Variants in SLC14A2 observed in about 807,000 individuals in gnomAD.
The protein encoded by SLC14A2 is urea transporter 2.
A neutral mutation model predicts 104.6 loss-of-function variants in SLC14A2; 91 were observed. That is an observed-to-expected ratio of 0.87 (90% confidence interval 0.73 to 1.04). The LOEUF (loss-of-function observed/expected upper bound fraction) is 1.04. Ranked by LOEUF, SLC14A2 falls within the 50% of genes least tolerant of loss-of-function variation. SLC14A2 has a pLI of 0.00. For missense variants in SLC14A2, 1,189 were observed against 1,156.0 expected, an observed-to-expected ratio of 1.03 and a Z score of -0.41; for synonymous variants, 476 against 466.4, an observed-to-expected ratio of 1.02 and a Z score of -0.27.
At chr18:45,533,761 TG>T (rs1324211705) in intron 2 of SLC14A2, among the ~76,000 whole-genome samples, 1 of 152,190 alleles carries the variant, frequency 6.6e-6, no homozygotes, top group African/African-American at 2.4e-5. Flanking sequence ...TGTTTGCTCT[TG>T]CTTCTCTAGT....
intron 1 of SLC14A2, among the ~76,000 whole-genome samples, chr18:45,298,639 A>C (rs1479564711): frequency 6.6e-6 from 1 of 152,182 alleles, no homozygotes; most frequent in African/African-American, 2.4e-5. Context: ...TGAGGTTAGC[A>C]CACATCAGAA....
chr18:45,669,865 G>A (rs2046100199), intron 16 of SLC14A2, among the ~76,000 whole-genome samples: 1 of 152,224 alleles, frequency 6.6e-6, no homozygotes, highest in Admixed American at 6.5e-5. Flanking sequence ...CTTGCGTTGT[G>A]CATTTTCTTT....
chr18:45,337,776 C>T (rs1324239459), intron 1 of SLC14A2, among the ~76,000 whole-genome samples: 1 of 152,188 alleles, frequency 6.6e-6, no homozygotes, highest in Non-Finnish European at 1.5e-5. Flanking sequence ...ATAGCTGACC[C>T]TGAAAGAAAT....
chr18:45,647,743 T>C (rs2045647269), intron 10 of SLC14A2: 1 of 151,706 alleles, frequency 6.6e-6, no homozygotes. Flanking sequence ...TTGAGGATTA[T>C]TTAATAATGG....
intron 2 of SLC14A2, among the ~76,000 whole-genome samples, chr18:45,512,383 C>T (rs192339214): frequency 6.6e-6 from 1 of 152,274 alleles, no homozygotes; most frequent in East Asian, 1.9e-4. Flanking sequence ...AGTCCTTTCT[C>T]AGTTTTACAC....
intron 1 of SLC14A2, among the ~76,000 whole-genome samples, chr18:45,448,467 T>C (rs1246913147): frequency 6.6e-6 from 1 of 152,220 alleles, no homozygotes; most frequent in Non-Finnish European, 1.5e-5. Context: ...GGCCTTTAGA[T>C]GGGTTGTTTT....
intron 2 of SLC14A2, among the ~76,000 whole-genome samples, chr18:45,532,416 C>T (rs1356823615): frequency 1.3e-5 from 2 of 151,632 alleles, no homozygotes; most frequent in Non-Finnish European, 2.9e-5. Context: ...AGGTCCTTCA[C>T]ATCCCTTGTA....
chr18:45,202,254 C>T, the SLC14A2 span, among the ~76,000 whole-genome samples: 1 of 152,092 alleles, frequency 6.6e-6, no homozygotes, highest in African/African-American at 2.4e-5. Context: ...CAAAGGACAG[C>T]ATGCTGAGCC....
chr18:45,648,069 C>T (rs572560928), intron 10 of SLC14A2: 5 of 149,058 alleles, frequency 3.4e-5, no homozygotes, highest in African/African-American at 1.2e-4. Context: ...TTAATCTTTG[C>T]ATTTCTAAAA....
intron 1 of SLC14A2, among the ~76,000 whole-genome samples, chr18:45,469,999 A>G (rs2087217843): frequency 6.6e-6 from 1 of 152,210 alleles, no homozygotes; most frequent in Admixed American, 6.5e-5. Context: ...AAATCCCCAA[A>G]TGAAGTGTAA....
intron 1 of SLC14A2, among the ~76,000 whole-genome samples, chr18:45,623,180 A>G (rs2045203491): frequency 6.6e-6 from 1 of 152,122 alleles, no homozygotes; most frequent in South Asian, 2.1e-4. Context: ...TGCAAGAGGA[A>G]GTGGCCAGAG....
At chr18:45,180,935 T>C in the SLC14A2 span, 1 of 152,216 alleles carries the variant, frequency 6.6e-6, no homozygotes, top group Non-Finnish European at 1.5e-5. Flanking sequence ...TTGGGTCATC[T>C]AGGGTGAGAA....
At chr18:45,171,516 C>G in the SLC14A2 span, among the ~76,000 whole-genome samples, 3 of 152,074 alleles carry the variant, frequency 2.0e-5, no homozygotes, top group Non-Finnish European at 4.4e-5. Context: ...GGTTCAATGA[C>G]TTCTGGATTG....
At chr18:45,362,879 T>C (rs1644369343) in intron 1 of SLC14A2, among the ~76,000 whole-genome samples, 1 of 150,776 alleles carries the variant, frequency 6.6e-6, no homozygotes, top group Non-Finnish European at 1.5e-5. Flanking sequence ...AATTTACCTG[T>C]CTCTGGTGTG....
chr18:45,169,176 T>C, the SLC14A2 span: 1 of 152,200 alleles, frequency 6.6e-6, no homozygotes, highest in Non-Finnish European at 1.5e-5. Flanking sequence ...GGAAAGAAAA[T>C]GATGTTGATA....
chr18:45,580,521 C>G (rs1004933817), intron 2 of SLC14A2, among the ~76,000 whole-genome samples: 3 of 152,186 alleles, frequency 2.0e-5, no homozygotes, highest in Admixed American at 2.0e-4. Context: ...TGAAGGAAAA[C>G]AGTGCCTAGC....
chr18:45,414,743 G>A (rs187287770), intron 1 of SLC14A2, among the ~76,000 whole-genome samples: 3 of 40,710 alleles, frequency 7.4e-5, no homozygotes, highest in East Asian at 5.9e-4. Flanking sequence ...GGCACCGAGC[G>A]TAAAAAAAAA....
intron 1 of SLC14A2, among the ~76,000 whole-genome samples, chr18:45,368,083 A>G (rs2085684674): frequency 6.6e-6 from 1 of 151,960 alleles, no homozygotes; most frequent in Non-Finnish European, 1.5e-5. Flanking sequence ...AAGATAACAG[A>G]CGCATCCTCC....
intron 2 of SLC14A2, among the ~76,000 whole-genome samples, chr18:45,497,085 G>A (rs1174347142): frequency 6.6e-6 from 1 of 152,132 alleles, no homozygotes; most frequent in African/African-American, 2.4e-5. Context: ...TTGTAATAGT[G>A]TGAAGCCCAT....
Sources: allele counts gnomAD v4.1 joint callset (sites outside exome capture counted in the v4.1 genomes callset), GRCh38; gene constraint gnomAD v4.1.1; transcripts MANE v1.5; gene names NCBI Gene and HGNC (gene_info 2026-07-23, HGNC 2026-07-21).